Variants in SCG5 observed in about 807,000 individuals in gnomAD.
SCG5 encodes neuroendocrine protein 7B2.
SCG5 carries 18 observed loss-of-function variants against 25.7 expected under a neutral mutation model. That is an observed-to-expected ratio of 0.70 (90% confidence interval 0.48 to 1.04). The LOEUF (loss-of-function observed/expected upper bound fraction) is 1.04, where lower values mean the gene tolerates loss of function less well. SCG5 is among the 50% of genes least tolerant of loss of function. The pLI, the probability that SCG5 is intolerant of heterozygous loss-of-function variation, is 0.00. For synonymous variants in SCG5, 101 were observed against 91.7 expected (o/e 1.10, Z -0.58); for missense variants, 206 against 259.8 (o/e 0.79, Z 1.42).
At chr15:32,648,744 C>A (rs1011566708) in intron 2 of SCG5, among the ~76,000 whole-genome samples, 7 of 150,750 alleles carry the variant, frequency 4.6e-5, no homozygotes, top group South Asian at 2.1e-4. Flanking sequence ...CTGAGTAGCA[C>A]CCCCCTACAT....
At chr15:32,642,568 CAAAAAAAAA>C (rs11338067) in intron 1 of SCG5, among the ~76,000 whole-genome samples, 4 of 49,732 alleles carry the variant, frequency 8.0e-5, no homozygotes, top group Non-Finnish European at 1.0e-4. Flanking sequence ...AACTCCGTCT[CAAAAAAAAA>C]AAAAAAAAAA....
At chr15:32,688,770 AAC>A (rs1317104122) in intron 4 of SCG5, among the ~76,000 whole-genome samples, 3 of 152,068 alleles carry the variant, frequency 2.0e-5, no homozygotes, top group South Asian at 4.2e-4. Context: ...CATCCTGGCT[AAC>A]ACAGTGAAAC....
chr15:32,679,616 C>A, intron 2 of SCG5, 150 bp from the exon 3 acceptor site: 1 of 789,924 alleles, frequency 1.3e-6, no homozygotes, highest in East Asian at 2.5e-5. Flanking sequence ...AACTAAATTT[C>A]TAAACCCCTA....
chr15:32,684,955 CTAA>C (rs2054679828), intron 4 of SCG5, among the ~76,000 whole-genome samples: 1 of 152,154 alleles, frequency 6.6e-6, no homozygotes, highest in Admixed American at 6.5e-5. Flanking sequence ...CATACACATC[CTAA>C]ATTTCACCAG....
At chr15:32,642,568 C>CAA (rs11338067) in intron 1 of SCG5, among the ~76,000 whole-genome samples, 1,163 of 49,758 alleles carry the variant, frequency 0.023, 65 homozygotes, top group Middle Eastern at 0.053. Context: ...AACTCCGTCT[C>CAA]AAAAAAAAAA....
chr15:32,664,852 G>A (rs1237355667), intron 2 of SCG5, among the ~76,000 whole-genome samples: 1 of 152,170 alleles, frequency 6.6e-6, no homozygotes, highest in Non-Finnish European at 1.5e-5. Flanking sequence ...ACCAAGAAAG[G>A]AAACTAAGCT....
intron 2 of SCG5, among the ~76,000 whole-genome samples, chr15:32,679,421 T>A (rs1166976291): frequency 6.6e-6 from 1 of 152,102 alleles, no homozygotes; most frequent in Non-Finnish European, 1.5e-5. Context: ...AGGCTGGTCT[T>A]GCACTTAGAC....
intron 3 of SCG5, among the ~76,000 whole-genome samples, chr15:32,682,334 A>C (rs1189424176): frequency 2.0e-5 from 3 of 152,176 alleles, no homozygotes; most frequent in Admixed American, 6.5e-5. Context: ...CCAGAGTTTG[A>C]GCCAAGAGAT....
At chr15:32,696,242 C>T (rs1179079095) in intron 5 of SCG5, among the ~76,000 whole-genome samples, 1 of 152,120 alleles carries the variant, frequency 6.6e-6, no homozygotes, top group Non-Finnish European at 1.5e-5. Context: ...CTCAGCCTCC[C>T]AAGTAGCTGG....
chr15:32,661,245 G>A (rs1567075402), intron 2 of SCG5, among the ~76,000 whole-genome samples: 1 of 152,248 alleles, frequency 6.6e-6, no homozygotes, highest in East Asian at 1.9e-4. Flanking sequence ...ATGTGGGTCA[G>A]ATAATTCTCT....
At chr15:32,689,426 C>G (rs1354138632) in intron 4 of SCG5, among the ~76,000 whole-genome samples, 2 of 152,132 alleles carry the variant, frequency 1.3e-5, no homozygotes, top group African/African-American at 4.8e-5. Context: ...CACTTTCCTT[C>G]CTAGCCCTGG....
chr15:32,690,929 C>T lies in SCG5; in HGVS notation c.490-781C>T, dbSNP rs28502625. ...TAAAACAACACAAGTAAAGCCCCCC[C>T]CCACCGCCACCAAATCCCCTTCTCC... On this transcript the variant is annotated intron_variant, in intron 4 of 5. Coordinates refer to ENST00000300175, the MANE Select transcript of SCG5 (RefSeq NM_001144757.3). Among the ~76,000 whole-genome samples, 891 of 151,574 alleles carry T rather than the reference C, an allele frequency of 5.9e-3. 13 individuals carry two copies. Among genetic ancestry groups the T allele is most frequent in the African/African-American group, 0.021 (852 of 41,322 alleles).
At chr15:32,642,494 G>A (rs949500339) in intron 1 of SCG5, among the ~76,000 whole-genome samples, 4 of 150,652 alleles carry the variant, frequency 2.7e-5, no homozygotes, top group Non-Finnish European at 4.4e-5. Flanking sequence ...CTTGAACCTG[G>A]GAGGTGGAGG....
chr15:32,682,364 G>A (rs1328465927), intron 3 of SCG5, among the ~76,000 whole-genome samples: 1 of 152,216 alleles, frequency 6.6e-6, no homozygotes, highest in Non-Finnish European at 1.5e-5. Flanking sequence ...AGTGTTGACT[G>A]TAGTATGCCA....
chr15:32,672,690 C>T (rs571646846), intron 2 of SCG5, among the ~76,000 whole-genome samples: 2 of 152,210 alleles, frequency 1.3e-5, no homozygotes, highest in African/African-American at 4.8e-5. Context: ...TATGAATGGA[C>T]GCAGAAGGCC....
chr15:32,675,500 C>T (rs1051368636), intron 2 of SCG5, among the ~76,000 whole-genome samples: 6 of 152,194 alleles, frequency 3.9e-5, no homozygotes, highest in African/African-American at 1.4e-4. Context: ...GTCTATACTA[C>T]AATACATTAT....
intron 3 of SCG5, among the ~76,000 whole-genome samples, chr15:32,681,881 T>C (rs992389038): frequency 1.3e-5 from 2 of 152,170 alleles, no homozygotes; most frequent in Non-Finnish European, 2.9e-5. Flanking sequence ...CTGTTTTCCG[T>C]GGGGCACAAA....
intron 4 of SCG5, among the ~76,000 whole-genome samples, chr15:32,685,785 T>C (rs892331105): frequency 1.3e-5 from 2 of 152,194 alleles, no homozygotes; most frequent in Non-Finnish European, 2.9e-5. Context: ...TTCCTTCACA[T>C]GTAACAGTAG....
intron 2 of SCG5, among the ~76,000 whole-genome samples, chr15:32,661,689 C>CCT (rs2054221792): frequency 6.6e-6 from 1 of 152,150 alleles, no homozygotes; most frequent in African/African-American, 2.4e-5. Flanking sequence ...CAAAATCAGA[C>CCT]CCGCTGTGGA....
Sources: allele counts gnomAD v4.1 joint callset (sites outside exome capture counted in the v4.1 genomes callset), GRCh38; gene constraint gnomAD v4.1.1; transcripts MANE v1.5; gene names NCBI Gene and HGNC (gene_info 2026-07-23, HGNC 2026-07-21).